WFDC8: variants seen among roughly 807,000 people sequenced by gnomAD.
WFDC8 encodes the protein WAP four-disulfide core domain 8.
In WFDC8, 24 loss-of-function variants were observed where a neutral mutation model predicts 27.0. The ratio of observed to expected loss-of-function variants is 0.89; its 90% CI spans 0.64 to 1.25. The LOEUF (loss-of-function observed/expected upper bound fraction) is 1.25. Ranked by LOEUF, WFDC8 falls within the 50% of genes most tolerant of loss-of-function variation. The probability of loss-of-function intolerance (pLI) is 0.00; values close to 1 mark genes in which losing one functional copy is unlikely to be tolerated. For synonymous variants in WFDC8, 106 were observed against 99.7 expected, an observed-to-expected ratio of 1.06 and a Z score of -0.38; for missense variants, 287 against 295.9, an observed-to-expected ratio of 0.97 and a Z score of 0.22.
chr20:45,578,138 C>G (rs1349343637), intron 1 of WFDC8, among the ~76,000 whole-genome samples: 2 of 151,298 alleles, frequency 1.3e-5, no homozygotes, highest in African/African-American at 4.8e-5. Flanking sequence ...TGTGCACCTT[C>G]TAATTACCAT....
chr20:45,557,480 C>T (rs936623620), intron 3 of WFDC8, among the ~76,000 whole-genome samples: 35 of 151,962 alleles, frequency 2.3e-4, no homozygotes, highest in African/African-American at 6.5e-4. Context: ...TCACCCAGGC[C>T]GCAGTGCAAT....
At chr20:45,574,317 A>G (rs1046716696) in intron 1 of WFDC8, among the ~76,000 whole-genome samples, 9 of 152,196 alleles carry the variant, frequency 5.9e-5, no homozygotes, top group African/African-American at 2.2e-4. Context: ...AATGCTTCCA[A>G]AAAATTGAAG....
intron 2 of WFDC8, among the ~76,000 whole-genome samples, chr20:45,561,523 C>G (rs1427418283): frequency 6.6e-6 from 1 of 152,166 alleles, no homozygotes. Flanking sequence ...TTCCTCTCCG[C>G]CACCCCAGTA....
chr20:45,562,379 G>A (rs2145568486), intron 1 of WFDC8, among the ~76,000 whole-genome samples, 160 bp from the exon 2 acceptor site: 1 of 152,308 alleles, frequency 6.6e-6, no homozygotes, highest in South Asian at 2.1e-4. Context: ...GTCAGATGGT[G>A]AGTTAAGGTG....
At chr20:45,557,360 C>G (rs879557772) in intron 3 of WFDC8, among the ~76,000 whole-genome samples, 1 of 152,140 alleles carries the variant, frequency 6.6e-6, no homozygotes, top group Non-Finnish European at 1.5e-5. Context: ...ACTTATTTCT[C>G]TTTGGCAAAA....
In WFDC8 at chr20:45,552,016, T is replaced by A; in HGVS notation, c.*10A>T. 1 of 1,612,858 alleles carries A rather than the reference T, an allele frequency of 6.2e-7. No homozygotes were observed. Among genetic ancestry groups the A allele is most frequent in the Non-Finnish European group, 8.5e-7 (1 of 1,179,498 alleles). ...TAATGATTTTGATGATAATATTTTC[T>A]ACTTACTATTCAACGTCTGGGGTCC... On this transcript the variant is annotated 3_prime_UTR_variant, in exon 6 of 6. Coordinates refer to ENST00000289953, the MANE Select transcript of WFDC8 (RefSeq NM_130896.3).
intron 2 of WFDC8, among the ~76,000 whole-genome samples, chr20:45,559,455 A>C (rs955384663): frequency 3.9e-5 from 6 of 152,200 alleles, no homozygotes; most frequent in African/African-American, 1.4e-4. Flanking sequence ...TTTTTAATTT[A>C]CCTCTAAGGA....
At position 45,553,125 on chromosome 20, in the gene WFDC8, C is replaced by A; in HGVS notation, c.586+11G>T. The stretch of plus-strand genomic sequence containing the variant: ...CCCAATAGATTTGGGAGGTATATCC[C>A]CAATCCTTACCTGTCCAGGCCCTGG... On this transcript the variant is annotated intron_variant, in intron 5 of 5. Coordinates refer to ENST00000289953, the MANE Select transcript of WFDC8 (RefSeq NM_130896.3). 2 of 1,608,962 alleles carry A rather than the reference C, an allele frequency of 1.2e-6. No homozygotes were observed. The highest frequency in any genetic ancestry group is 1.7e-6 in the Non-Finnish European group (2 of 1,177,918).
intron 1 of WFDC8, among the ~76,000 whole-genome samples, chr20:45,564,948 A>AGAAGGAAGGAAGGAAG (rs199524356): frequency 9.0e-5 from 13 of 143,782 alleles, no homozygotes; most frequent in Admixed American, 5.1e-4. Flanking sequence ...AAAGAAAGAA[A>AGAAGGAAGGAAGGAAG]GAAGGAAGGA....
intron 1 of WFDC8, among the ~76,000 whole-genome samples, chr20:45,575,264 G>A (rs1256266931): frequency 1.3e-5 from 2 of 152,064 alleles, no homozygotes; most frequent in Admixed American, 1.3e-4. Context: ...CCTATATATA[G>A]AAAACCCTAA....
chr20:45,568,655 G>T, intron 1 of WFDC8: 1 of 537,222 alleles, frequency 1.9e-6, no homozygotes. Context: ...GTGTACTGTT[G>T]CAGGCAGGAC....
rs892593918 is a variant in WFDC8, at chr20:45,576,732, A to C, written c.26+2490T>G. Among the ~76,000 whole-genome samples, 15 of 151,482 alleles carry C rather than the reference A, an allele frequency of 9.9e-5. No individual in the cohort carries two copies. The East Asian group carries it at 2.9e-3, about 29-fold the overall frequency. ...TCTATTGCCTAATATTAATCAAACT[A>C]TACTCTCTCTTCTTTGTTTGCATTT... On this transcript the variant is annotated intron_variant, in intron 1 of 5. Transcript: ENST00000289953.
At chr20:45,553,314 C>T (rs759583574) in intron 4 of WFDC8, 38 bp from the exon 5 acceptor site, 3 of 1,590,188 alleles carry the variant, frequency 1.9e-6, no homozygotes, top group Admixed American at 3.5e-5. Context: ...TAAAACCCCA[C>T]CCCCATCCCA....
intron 1 of WFDC8, among the ~76,000 whole-genome samples, chr20:45,577,843 C>T (rs1394525372): frequency 2.7e-5 from 4 of 149,190 alleles, no homozygotes; most frequent in African/African-American, 9.7e-5. Flanking sequence ...CCTGTCTCTA[C>T]TAAAAATACA....
chr20:45,560,311 A>G (rs1980420631), intron 2 of WFDC8, among the ~76,000 whole-genome samples: 1 of 152,242 alleles, frequency 6.6e-6, no homozygotes, highest in Admixed American at 6.5e-5. Context: ...TACTACAACC[A>G]GGGAGCTTGG....
intron 1 of WFDC8, 100 bp from the exon 2 acceptor site, chr20:45,562,319 G>C: frequency 4.3e-6 from 4 of 935,232 alleles, no homozygotes; most frequent in Non-Finnish European, 6.8e-6. Flanking sequence ...GGTCCCTTTA[G>C]TTCACAGGTA....
At chr20:45,559,031 A>C (rs1980373913) in intron 2 of WFDC8, 39 bp from the exon 3 acceptor site, 1 of 1,610,552 alleles carries the variant, frequency 6.2e-7, no homozygotes. Context: ...TTCTTTCGGA[A>C]TTTCAGCTCT....
At position 45,555,857 on chromosome 20, in the gene WFDC8, G is replaced by GA. The variant is rs1980227211; in HGVS notation, c.288_289insT (p.Leu97SerfsTer9). On this transcript the variant is annotated frameshift_variant, in exon 4 of 6. Transcript: ENST00000289953. LOFTEE classifies it high-confidence loss of function. ...TTACAGTTTCCATGCCTCACAGGTA[G>GA]CATGCAGGGTTCTGAGGTCAGGAAG... The GA allele has an allele frequency of 6.2e-7, 1 of 1,613,826 alleles. No homozygotes were observed. The highest frequency in any genetic ancestry group is 1.7e-5 in the Admixed American group (1 of 59,984).
Position 45,553,233 on chromosome 20 carries a change from C to A in WFDC8, c.489G>T (p.Lys163Asn). The A allele has an allele frequency of 6.2e-7, 1 of 1,613,884 alleles. No individual in the cohort carries two copies. The highest frequency in any genetic ancestry group is 8.5e-7 in the Non-Finnish European group (1 of 1,179,792). Residue 163 changes from lysine (K) to asparagine (N), a missense_variant, in exon 5 of 6, where the codon AAG (lysine) becomes AAT (asparagine). Coordinates refer to ENST00000289953, the MANE Select transcript of WFDC8 (RefSeq NM_130896.3). Reference sequence around the variant, plus strand: ...CACTGTGACATGAAGGTGGACACTCCTTACGTTCAGTGAAAGGGAAGAGTG... The same window carrying A: ...CACTGTGACATGAAGGTGGACACTCATTACGTTCAGTGAAAGGGAAGAGTG... ...QCPLFPFTER[K>N]ECPPSCHSDI... is the part of the protein sequence containing the mutation.
Sources: allele counts gnomAD v4.1 joint callset (sites outside exome capture counted in the v4.1 genomes callset), GRCh38; gene constraint gnomAD v4.1.1; transcripts MANE v1.5; gene names NCBI Gene and HGNC (gene_info 2026-07-23, HGNC 2026-07-21).